Variants in RTN1 observed in about 807,000 individuals in gnomAD.
RTN1 encodes the protein reticulon-1.
In RTN1, 25 loss-of-function variants were observed where a neutral mutation model predicts 65.5. The ratio of observed to expected loss-of-function variants is 0.38; its 90% CI spans 0.28 to 0.53. The LOEUF (loss-of-function observed/expected upper bound fraction) is 0.53, where lower values mean the gene tolerates loss of function less well. Among genes scored for constraint, RTN1 ranks in the 20% least tolerant of loss-of-function variants. The pLI is 0.79. For synonymous variants in RTN1, 471 were observed against 447.6 expected, an observed-to-expected ratio of 1.05 and a Z score of -0.66; for missense variants, 983 against 1,025.4, an observed-to-expected ratio of 0.96 and a Z score of 0.57.
At chr14:59,798,792 C>G (rs1311955047) in intron 1 of RTN1, among the ~76,000 whole-genome samples, 1 of 116,202 alleles carries the variant, frequency 8.6e-6, no homozygotes, top group Non-Finnish European at 1.6e-5. Flanking sequence ...ACATGGATAT[C>G]ATTTGGTGAC....
rs1449939545 is a variant in RTN1, at chr14:59,803,028, C to T, written c.242-56547G>A. On this transcript the variant is annotated intron_variant, in intron 1 of 8. Coordinates refer to ENST00000267484, the MANE Select transcript of RTN1 (RefSeq NM_021136.3). The surrounding 1 kb of genome is among the most constrained non-coding windows in gnomAD (Gnocchi z 5.6). ...AAAACCCTACACAACAATCCACCAT[C>T]CTCTTGGTGAAACTGATTTAAAAAA... Among the ~76,000 whole-genome samples the T allele has an allele frequency of 6.6e-6, 1 of 151,798 alleles. No homozygotes were observed. The highest frequency in any genetic ancestry group is 2.4e-5 in the African/African-American group (1 of 41,362).
intron 1 of RTN1, among the ~76,000 whole-genome samples, chr14:59,799,024 A>T (rs1886490213): frequency 6.6e-6 from 1 of 152,210 alleles, no homozygotes; most frequent in Non-Finnish European, 1.5e-5. Context: ...AATTTTTCTA[A>T]AAGTGTATTA....
intron 1 of RTN1, among the ~76,000 whole-genome samples, chr14:59,828,165 T>C (rs1289846753): frequency 3.3e-5 from 5 of 152,364 alleles, no homozygotes; most frequent in African/African-American, 1.2e-4. Context: ...CCCTCGTGTA[T>C]CTTTGAAATC....
chr14:59,687,948 G>C (rs541837414), intron 3 of RTN1, among the ~76,000 whole-genome samples: 5 of 152,100 alleles, frequency 3.3e-5, no homozygotes, highest in Non-Finnish European at 5.9e-5. Context: ...GCCTAGGATT[G>C]GCAGCCTGAA....
chr14:59,630,422 G>A (rs1286452736), intron 3 of RTN1: 2 of 1,612,926 alleles, frequency 1.2e-6, no homozygotes, highest in Non-Finnish European at 1.7e-6. Context: ...CCTCAGGCAT[G>A]CACTACTGAA....
At chr14:59,676,878 G>A (rs1566682017) in intron 3 of RTN1, among the ~76,000 whole-genome samples, 2 of 152,140 alleles carry the variant, frequency 1.3e-5, no homozygotes, top group African/African-American at 4.8e-5. Context: ...AAAGTGATGA[G>A]GCTTAGATAT....
chr14:59,618,380 C>G (rs1811860), intron 3 of RTN1, among the ~76,000 whole-genome samples: 5,224 of 152,244 alleles, frequency 0.034, 294 homozygotes, highest in African/African-American at 0.12. Context: ...ACTGGCTCAT[C>G]TGATTTTGTG....
intron 1 of RTN1, among the ~76,000 whole-genome samples, chr14:59,771,564 T>C (rs575815389): frequency 8.5e-5 from 13 of 152,346 alleles, no homozygotes; most frequent in African/African-American, 3.1e-4. Context: ...CACATGGCAA[T>C]GTGTGAGGCA....
chr14:59,612,121 G>A (rs1881969005), intron 3 of RTN1, among the ~76,000 whole-genome samples: 1 of 152,204 alleles, frequency 6.6e-6, no homozygotes, highest in Non-Finnish European at 1.5e-5. Flanking sequence ...GCTGAATGAG[G>A]TGACTAATGT....
rs114791033 is a variant in RTN1 at position 59,846,432 on chromosome 14, G to A, written c.241+23958C>T. Among the ~76,000 whole-genome samples the A allele has an allele frequency of 0.012, 1,804 of 152,094 alleles. 37 individuals carry two copies. Among genetic ancestry groups the A allele is most frequent in the African/African-American group, 0.04 (1,678 of 41,468 alleles). Reference sequence around the variant, plus strand: ...TATGCACACGTGTGTACACACACACGTGTGTACCACACACATCCACACTCA... The same window carrying A: ...TATGCACACGTGTGTACACACACACATGTGTACCACACACATCCACACTCA... On this transcript the variant is annotated intron_variant, in intron 1 of 8. Transcript: ENST00000267484. This position sits in a 1 kb window ranked among gnomAD's most constrained non-coding sequence, Gnocchi z 4.8.
At position 59,849,592 on chromosome 14, in the gene RTN1, T is replaced by C. The variant is rs1019789105; in HGVS notation, c.241+20798A>G. On this transcript the variant is annotated intron_variant, in intron 1 of 8. Coordinates refer to ENST00000267484, the MANE Select transcript of RTN1 (RefSeq NM_021136.3). The surrounding 1 kb of genome is among the most constrained non-coding windows in gnomAD (Gnocchi z 4.5). The stretch of plus-strand genomic sequence containing the variant: ...CCACAGGCCTGACTCAGCCCACTGA[T>C]TGATTTCATTCAGCTGGGGGTGAGA... 1.4e-4 allele frequency among the ~76,000 whole-genome samples: 21 copies of C among 152,272 alleles called. No individual in the cohort carries two copies. The highest frequency in any genetic ancestry group is 4.3e-4 in the African/African-American group (18 of 41,566).
chr14:59,622,800 C>T (rs1330991260), intron 3 of RTN1, among the ~76,000 whole-genome samples: 1 of 152,200 alleles, frequency 6.6e-6, no homozygotes, highest in Non-Finnish European at 1.5e-5. Flanking sequence ...TGAAGGTTCA[C>T]ATGGTAATCT....
chr14:59,809,672 AAG>A (rs1416322416), intron 1 of RTN1, among the ~76,000 whole-genome samples: 2 of 152,192 alleles, frequency 1.3e-5, no homozygotes, highest in African/African-American at 4.8e-5. Flanking sequence ...GACAGGAAAT[AAG>A]AGAGTCCCAA....
At chr14:59,660,733 G>A (rs936629329) in intron 3 of RTN1, among the ~76,000 whole-genome samples, 1 of 152,134 alleles carries the variant, frequency 6.6e-6, no homozygotes, top group Non-Finnish European at 1.5e-5. Context: ...CACAGCTAAA[G>A]CAATGTTTAG....
chr14:59,618,710 G>C (rs1056870616), intron 3 of RTN1, among the ~76,000 whole-genome samples: 1 of 152,144 alleles, frequency 6.6e-6, no homozygotes, highest in African/African-American at 2.4e-5. Context: ...CAAAATAGTT[G>C]CCTCTCTCAC....
intron 1 of RTN1, among the ~76,000 whole-genome samples, chr14:59,760,578 AC>A (rs1249768555): frequency 6.6e-6 from 1 of 152,184 alleles, no homozygotes; most frequent in Admixed American, 6.5e-5. Flanking sequence ...TATGATGGGA[AC>A]CCCCAGCCCA....
intron 3 of RTN1, among the ~76,000 whole-genome samples, chr14:59,722,006 T>C (rs1884658119): frequency 6.6e-6 from 1 of 152,244 alleles, no homozygotes. Context: ...ATAAGAAAGA[T>C]ATTCATATGT....
chr14:59,667,346 C>T (rs1451750578), intron 3 of RTN1, among the ~76,000 whole-genome samples: 2 of 152,074 alleles, frequency 1.3e-5, no homozygotes, highest in African/African-American at 4.8e-5. Context: ...TAAACAGAAC[C>T]AACAACAAAA....
intron 8 of RTN1, among the ~76,000 whole-genome samples, chr14:59,602,177 T>C (rs1369416704): frequency 6.6e-6 from 1 of 152,190 alleles, no homozygotes; most frequent in African/African-American, 2.4e-5. Context: ...CTTATTTTGT[T>C]ATTACACATC....
Sources: gnomAD v4.1 joint callset for allele counts (sites outside exome capture counted in the v4.1 genomes callset) on GRCh38, gnomAD v4.1.1 for gene constraint, Gnocchi (gnomAD v3.1) non-coding constraint, MANE v1.5 for transcripts, NCBI Gene and HGNC (gene_info 2026-07-23, HGNC 2026-07-21) for gene names.